BBOX1: variants seen among roughly 807,000 people sequenced by gnomAD.
BBOX1 encodes the protein gamma-butyrobetaine dioxygenase.
BBOX1 carries 35 observed loss-of-function variants against 41.6 expected under a neutral mutation model. The observed-to-expected ratio is 0.84, with a 90% CI of 0.64 to 1.11. BBOX1 has a LOEUF of 1.11. Among genes scored for constraint, BBOX1 ranks in the 50% most tolerant of loss-of-function variants. BBOX1 has a pLI of 0.00. For synonymous variants in BBOX1, 163 were observed against 154.7 expected (o/e 1.05, Z -0.40); for missense variants, 458 against 460.6 (o/e 0.99, Z 0.05).
chr11:27,055,966 G>T (rs1324877703), intron 3 of BBOX1, among the ~76,000 whole-genome samples: 1 of 152,082 alleles, frequency 6.6e-6, no homozygotes, highest in Non-Finnish European at 1.5e-5. Flanking sequence ...CAAACCAGAG[G>T]CAGCCACCAT....
chr11:27,067,739 C>T (rs903216267), intron 4 of BBOX1, among the ~76,000 whole-genome samples: 8 of 151,834 alleles, frequency 5.3e-5, no homozygotes, highest in East Asian at 1.9e-4. Flanking sequence ...CCAGCCTGTA[C>T]GACAGAGCGA....
chr11:27,124,543 A>G (rs1187038896), intron 7 of BBOX1, among the ~76,000 whole-genome samples: 3 of 152,068 alleles, frequency 2.0e-5, no homozygotes, highest in Non-Finnish European at 2.9e-5. Flanking sequence ...TTTGAGACAG[A>G]GTCATATTCT....
At chr11:27,123,051 T>A (rs573375325) in intron 7 of BBOX1, among the ~76,000 whole-genome samples, 2 of 152,258 alleles carry the variant, frequency 1.3e-5, no homozygotes, top group Non-Finnish European at 2.9e-5. Flanking sequence ...CAGCTACCCA[T>A]CTCCTCTAAC....
chr11:27,112,751 G>A (rs1431536023), intron 5 of BBOX1, among the ~76,000 whole-genome samples: 2 of 151,848 alleles, frequency 1.3e-5, no homozygotes, highest in African/African-American at 4.8e-5. Flanking sequence ...ACCTGGCAAT[G>A]ATTTCATGAT....
At chr11:27,097,900 T>A (rs771935312) in intron 5 of BBOX1, among the ~76,000 whole-genome samples, 1 of 151,998 alleles carries the variant, frequency 6.6e-6, no homozygotes, top group Non-Finnish European at 1.5e-5. Flanking sequence ...GATTATGCAA[T>A]GTCGTGCAGC....
intron 4 of BBOX1, among the ~76,000 whole-genome samples, chr11:27,090,606 G>T (rs990346406): frequency 6.6e-6 from 1 of 151,904 alleles, no homozygotes; most frequent in Non-Finnish European, 1.5e-5. Context: ...ATTTTCAGCG[G>T]TGCACGTATT....
rs765835760 is a variant in BBOX1 at position 27,119,773 on chromosome 11, C to T, written c.764C>T (p.Thr255Ile). 12 of 1,601,782 alleles carry T rather than the reference C, an allele frequency of 7.5e-6. No individual in the cohort carries two copies. Among genetic ancestry groups the T allele is most frequent in the Non-Finnish European group, 9.4e-6 (11 of 1,175,428 alleles). Reference protein sequence around the residue: ...NPQAFQILSSTFVDFTDIGVD... With the variant: ...NPQAFQILSSIFVDFTDIGVD... ...CAGGCATTCCAGATTTTGTCCTCTACCTTTGTGGACTTTACAGACATTGGA... is the reference window on the plus strand; with the variant it reads ...CAGGCATTCCAGATTTTGTCCTCTATCTTTGTGGACTTTACAGACATTGGA... The change falls in exon 7 of 9, where the codon ACC becomes ATC. Residue 255 changes from threonine (T) to isoleucine (I), a missense_variant. Transcript: ENST00000263182.
chr11:27,075,426 T>G (rs1364283435), intron 4 of BBOX1, among the ~76,000 whole-genome samples: 1 of 152,130 alleles, frequency 6.6e-6, no homozygotes, highest in Non-Finnish European at 1.5e-5. Flanking sequence ...TATCCCTGCA[T>G]AGAAACCAGC....
chr11:27,071,357 G>A (rs1314043003), intron 4 of BBOX1, among the ~76,000 whole-genome samples: 7 of 151,656 alleles, frequency 4.6e-5, no homozygotes, highest in Non-Finnish European at 7.4e-5. Flanking sequence ...ACTCTAGCCT[G>A]GGCAACAGAG....
intron 5 of BBOX1, among the ~76,000 whole-genome samples, chr11:27,109,672 G>A (rs978859780): frequency 6.6e-6 from 1 of 152,060 alleles, no homozygotes; most frequent in Non-Finnish European, 1.5e-5. Flanking sequence ...ATTGCATTGG[G>A]TCTTTGAATT....
In BBOX1 at chr11:27,055,502, GGAA is replaced by G. The variant is rs767202576; in HGVS notation, c.75_77del (p.Glu26del). 3.8e-5 allele frequency: 61 copies of G among 1,614,074 alleles called. 1 individual carries two copies. The Admixed American group carries it at 9.7e-4, about 26-fold the overall frequency. On this transcript the variant is annotated inframe_deletion, in exon 3 of 9. Transcript: ENST00000263182. ...TGATGCAGATCCTCTGGTATGATGA[GGAA>G]GAGTCTCTCTACCCAGCTGTATGGT...
chr11:27,113,996 T>A (rs1260820636), intron 5 of BBOX1, among the ~76,000 whole-genome samples: 1 of 151,836 alleles, frequency 6.6e-6, no homozygotes, highest in African/African-American at 2.4e-5. Flanking sequence ...ATCTTACATA[T>A]AATAAATCCC....
At chr11:27,080,925 G>A (rs10767609) in intron 4 of BBOX1, among the ~76,000 whole-genome samples, 1 of 151,946 alleles carries the variant, frequency 6.6e-6, no homozygotes, top group South Asian at 2.1e-4. Flanking sequence ...GGCACACGAT[G>A]TTAAATTCTT....
chr11:27,054,987 G>A (rs573246113), intron 2 of BBOX1, among the ~76,000 whole-genome samples: 1 of 152,102 alleles, frequency 6.6e-6, no homozygotes, highest in Non-Finnish European at 1.5e-5. Flanking sequence ...TGTCCAAGTG[G>A]GCACCAGTTA....
At chr11:27,123,749 C>T (rs1214071849) in intron 7 of BBOX1, among the ~76,000 whole-genome samples, 1 of 152,082 alleles carries the variant, frequency 6.6e-6, no homozygotes, top group Non-Finnish European at 1.5e-5. Context: ...ACTGACTTCC[C>T]TTCCATCTGA....
chr11:27,065,388 A>G (rs1490231661), intron 4 of BBOX1, among the ~76,000 whole-genome samples: 1 of 152,182 alleles, frequency 6.6e-6, no homozygotes, highest in Non-Finnish European at 1.5e-5. Context: ...TCTGAATTAT[A>G]TGTAATCTAT....
chr11:27,050,548 G>C (rs1851638496), intron 2 of BBOX1, among the ~76,000 whole-genome samples: 1 of 152,042 alleles, frequency 6.6e-6, no homozygotes, highest in African/African-American at 2.4e-5. Context: ...ATAGCTTTCA[G>C]TGTATAGATC....
At chr11:27,117,478 G>T (rs868398230) in intron 6 of BBOX1, among the ~76,000 whole-genome samples, 1 of 151,934 alleles carries the variant, frequency 6.6e-6, no homozygotes, top group Admixed American at 6.6e-5. Context: ...GACACCCAGT[G>T]TGATTTTATT....
chr11:27,076,575 T>G (rs1282012499), intron 4 of BBOX1, among the ~76,000 whole-genome samples: 2 of 152,182 alleles, frequency 1.3e-5, no homozygotes, highest in Admixed American at 1.3e-4. Context: ...TTGTGCTTGC[T>G]TTGTTACCTA....
Sources: gnomAD v4.1 joint callset for allele counts (sites outside exome capture counted in the v4.1 genomes callset) on GRCh38, gnomAD v4.1.1 for gene constraint, MANE v1.5 for transcripts, NCBI Gene and HGNC (gene_info 2026-07-23, HGNC 2026-07-21) for gene names.